CUX2: variants seen among roughly 807,000 people sequenced by gnomAD.
The protein encoded by CUX2 is homeobox protein cut-like 2.
Under a neutral mutation model 144.8 loss-of-function variants are expected in CUX2, and 40 were observed. That is an observed-to-expected ratio of 0.28 (90% confidence interval 0.21 to 0.36). CUX2 has a LOEUF of 0.36. Among genes scored for constraint, CUX2 ranks in the 10% least tolerant of loss-of-function variants. The pLI is 1.00. For missense variants in CUX2, 1,615 were observed against 1,994.0 expected, an observed-to-expected ratio of 0.81 and a Z score of 3.62; for synonymous variants, 827 against 875.6, an observed-to-expected ratio of 0.94 and a Z score of 0.98.
intron 3 of CUX2, among the ~76,000 whole-genome samples, chr12:111,227,945 C>A (rs564131977): frequency 6.6e-6 from 1 of 152,290 alleles, no homozygotes; most frequent in East Asian, 1.9e-4. Flanking sequence ...ATGGGAGAGA[C>A]AGATGGACCC....
intron 1 of CUX2, among the ~76,000 whole-genome samples, chr12:111,103,310 T>A (rs549881105): frequency 6.6e-6 from 1 of 152,302 alleles, no homozygotes; most frequent in African/African-American, 2.4e-5. Flanking sequence ...GCATCTTCCC[T>A]TTGCAGAGTT....
intron 10 of CUX2, among the ~76,000 whole-genome samples, chr12:111,306,141 G>A (rs1032239242): frequency 2.0e-5 from 3 of 152,092 alleles, no homozygotes; most frequent in Admixed American, 6.6e-5. Context: ...CGTGGAACCC[G>A]GCAAATGCCT....
intron 1 of CUX2, among the ~76,000 whole-genome samples, chr12:111,119,635 G>T (rs562906828): frequency 5.3e-4 from 80 of 152,296 alleles, no homozygotes; most frequent in Non-Finnish European, 9.3e-4. Flanking sequence ...TGGACTGGAA[G>T]TTCTTTCAAG....
chr12:111,178,071 A>G lies in CUX2; in HGVS notation c.64-36129A>G, dbSNP rs576977927. On this transcript the variant is annotated intron_variant, in intron 1 of 21. Transcript: ENST00000261726. This position sits in a 1 kb window ranked among gnomAD's most constrained non-coding sequence, Gnocchi z 5.7. ...CCAAGGTCACTCAGTGGTTCTGTGT[A>G]AAAACACTGGGTCGAGCATCTTTTT... Among the ~76,000 whole-genome samples the G allele has an allele frequency of 1.1e-4, 16 of 152,352 alleles. No homozygotes were observed. The South Asian group carries it at 2.3e-3, about 22-fold the overall frequency.
intron 3 of CUX2, among the ~76,000 whole-genome samples, chr12:111,239,761 A>G (rs984352517): frequency 2.6e-5 from 4 of 152,066 alleles, no homozygotes; most frequent in African/African-American, 9.7e-5. Flanking sequence ...GGGTGGGGGA[A>G]TGGCACCTGC....
chr12:111,291,441 G>T lies in CUX2; in HGVS notation c.325G>T (p.Ala109Ser). The change falls in exon 5 of 22, where the codon GCA becomes TCA. Residue 109 changes from alanine (A) to serine (S), a missense_variant. By Grantham distance (99) the Ala-to-Ser change is moderately conservative (BLOSUM62 1). Transcript: ENST00000261726. Reference protein sequence around the residue: ...APDPVPVFEAARSLDDRLQPP... With the variant: ...APDPVPVFEASRSLDDRLQPP... ...AGACCCCGTGCCTGTGTTTGAGGCG[G>T]CACGCAGCCTAGACGACAGACTGCA... 1 of 1,611,380 alleles carries T rather than the reference G, an allele frequency of 6.2e-7. No homozygotes were observed. Among genetic ancestry groups the T allele is most frequent in the Non-Finnish European group, 8.5e-7 (1 of 1,178,802 alleles).
chr12:111,087,968 GA>G (rs1303374681), intron 1 of CUX2, among the ~76,000 whole-genome samples: 4 of 152,206 alleles, frequency 2.6e-5, no homozygotes. Flanking sequence ...ACTCAGTAAT[GA>G]AAAGGAACGA....
At chr12:111,121,461 C>T (rs772764802) in intron 1 of CUX2, among the ~76,000 whole-genome samples, 1 of 148,876 alleles carries the variant, frequency 6.7e-6, no homozygotes. Context: ...ACTGCAACCT[C>T]CGCCTCATGG....
chr12:111,192,981 AG>A (rs1438509915), intron 1 of CUX2, among the ~76,000 whole-genome samples: 1 of 152,250 alleles, frequency 6.6e-6, no homozygotes, highest in Non-Finnish European at 1.5e-5. Flanking sequence ...AAAGCCCTTT[AG>A]GTTCCTCCAT....
Position 111,277,420 on chromosome 12 carries a change from G to A in CUX2, c.301+13581G>A, listed in dbSNP as rs1326111075. Among the ~76,000 whole-genome samples, 2 of 152,056 alleles carry A rather than the reference G, an allele frequency of 1.3e-5. No homozygotes were observed. Among genetic ancestry groups the A allele is most frequent in the Non-Finnish European group, 2.9e-5 (2 of 68,008 alleles). On this transcript the variant is annotated intron_variant, in intron 4 of 21. Transcript: ENST00000261726. The surrounding 1 kb of genome is among the most constrained non-coding windows in gnomAD (Gnocchi z 5.0). ...TTATCTGATGCAAGCCGTTTCTCCT[G>A]GTATTTCCTGTGTCTAGTATACTCC...
intron 1 of CUX2, among the ~76,000 whole-genome samples, chr12:111,154,723 C>T (rs1187565624): frequency 3.9e-5 from 6 of 152,088 alleles, no homozygotes; most frequent in Admixed American, 3.9e-4. Context: ...AAGAGAGACT[C>T]CAGGGAAGGA....
At position 111,320,457 on chromosome 12, in the gene CUX2, T is replaced by C. The variant is rs1887465284; in HGVS notation, c.2448T>C (p.Ser816=). 6.3e-7 allele frequency: 1 copy of C among 1,594,562 alleles called. No homozygotes were observed. The highest frequency in any genetic ancestry group is 1.3e-5 in the African/African-American group (1 of 74,790). The change falls in exon 17 of 22, where the codon TCT becomes TCC. Residue 816 remains serine (S), a synonymous_variant. Coordinates refer to ENST00000261726, the MANE Select transcript of CUX2 (RefSeq NM_015267.4). The surrounding 1 kb of genome is among the most constrained non-coding windows in gnomAD (Gnocchi z 8.1). ...SLSSSSSSGY[S]GQPNGRAWPR... ...CCTCCTCCTCCTCCTCTGGCTACTC[T>C]GGCCAGCCCAACGGCCGCGCCTGGC...
chr12:111,204,502 G>A (rs751935106), intron 1 of CUX2, among the ~76,000 whole-genome samples: 1 of 152,166 alleles, frequency 6.6e-6, no homozygotes, highest in Non-Finnish European at 1.5e-5. Context: ...TTCAGGCCAC[G>A]GCAGACCTTG....
In CUX2 at chr12:111,059,893, G is replaced by GC. The variant is rs565920641; in HGVS notation, c.63+25658dup. On this transcript the variant is annotated intron_variant, in intron 1 of 21. Transcript: ENST00000261726. This position sits in a 1 kb window ranked among gnomAD's most constrained non-coding sequence, Gnocchi z 5.3. ...GACTTCTGGGGAAGCCCCCTTCCCT[G>GC]CCCCCGACCTTGGGATCCTGACTCA... 2.8e-4 allele frequency among the ~76,000 whole-genome samples: 43 copies of GC among 152,174 alleles called. No homozygotes were observed. The highest frequency in any genetic ancestry group is 8.9e-4 in the African/African-American group (37 of 41,530).
chr12:111,328,334 T>TA (rs1356700835), intron 18 of CUX2, among the ~76,000 whole-genome samples: 1 of 152,162 alleles, frequency 6.6e-6, no homozygotes. Flanking sequence ...CCATACCTGT[T>TA]ACTGAAGTTG....
chr12:111,331,579 G>A lies in CUX2; in HGVS notation c.2927-2862G>A, dbSNP rs375490442. On this transcript the variant is annotated intron_variant, in intron 18 of 21. Transcript: ENST00000261726. ...TGCCCCAGGAGGTGGAGGTGGTAGAGGAGGTGGAGGTGGACCCTTGCCCCA... is the reference window on the plus strand; with the variant it reads ...TGCCCCAGGAGGTGGAGGTGGTAGAAGAGGTGGAGGTGGACCCTTGCCCCA... Among the ~76,000 whole-genome samples, 41 of 152,018 alleles carry A rather than the reference G, an allele frequency of 2.7e-4. No homozygotes were observed. In the South Asian group the frequency reaches 8.6e-3, roughly 32 times the overall value.
At chr12:111,281,133 C>T (rs972441350) in intron 4 of CUX2, among the ~76,000 whole-genome samples, 7 of 152,188 alleles carry the variant, frequency 4.6e-5, no homozygotes, top group African/African-American at 1.4e-4. Context: ...ATGTGTCCTC[C>T]CACTGCCCTT....
intron 1 of CUX2, among the ~76,000 whole-genome samples, chr12:111,211,231 G>A (rs893587059): frequency 8.5e-5 from 13 of 152,200 alleles, no homozygotes; most frequent in African/African-American, 1.2e-4. Flanking sequence ...TGAGAAGAAC[G>A]TGGATGTCAG....
rs949856712 is a variant in CUX2 at position 111,296,549 on chromosome 12, C to T, written c.704+10C>T. ...AGGAGGCAGCATCCAAGTAAGTGAG[C>T]CCTGCTGAGGTGTACCTCCTCCCTT... On this transcript the variant is annotated intron_variant, in intron 8 of 21. Coordinates refer to ENST00000261726, the MANE Select transcript of CUX2 (RefSeq NM_015267.4). The T allele has an allele frequency of 6.2e-6, 10 of 1,608,292 alleles. No homozygotes were observed. Among genetic ancestry groups the T allele is most frequent in the African/African-American group, 1.3e-5 (1 of 74,766 alleles).
Sources: gnomAD v4.1 joint callset for allele counts (sites outside exome capture counted in the v4.1 genomes callset) on GRCh38, gnomAD v4.1.1 for gene constraint, Gnocchi (gnomAD v3.1) non-coding constraint, MANE v1.5 for transcripts, NCBI Gene and HGNC (gene_info 2026-07-23, HGNC 2026-07-21) for gene names.